Variants in STXBP5 observed in about 807,000 individuals in gnomAD.
The protein encoded by STXBP5 is syntaxin binding protein 5, also known as syntaxin-binding protein 5.
In STXBP5, 50 loss-of-function variants were observed where a neutral mutation model predicts 152.4. The observed-to-expected ratio is 0.33, with a 90% CI of 0.26 to 0.42. The LOEUF (loss-of-function observed/expected upper bound fraction) is 0.42. Ranked by LOEUF, STXBP5 falls within the 10% of genes least tolerant of loss-of-function variation. The pLI is 1.00. For missense variants in STXBP5, 1,167 were observed against 1,388.6 expected (o/e 0.84, Z 2.54); for synonymous variants, 492 against 494.7 (o/e 0.99, Z 0.07).
chr6:147,363,867 C>A, intron 24 of STXBP5, 134 bp from the exon 25 acceptor site: 1 of 1,353,212 alleles, frequency 7.4e-7, no homozygotes, highest in Non-Finnish European at 1.0e-6. Context: ...GAGTATAAAC[C>A]ATTTTTTATC....
At chr6:147,274,352 C>A (rs186571551) in intron 7 of STXBP5, among the ~76,000 whole-genome samples, 3 of 151,860 alleles carry the variant, frequency 2.0e-5, no homozygotes, top group African/African-American at 7.3e-5. Flanking sequence ...ATGGAAAGGG[C>A]AGTGGTTTCA....
At chr6:147,232,627 T>C (rs1778062265) in intron 2 of STXBP5, among the ~76,000 whole-genome samples, 1 of 151,776 alleles carries the variant, frequency 6.6e-6, no homozygotes. Flanking sequence ...CTCTGAGCCT[T>C]AGATATATCG....
intron 25 of STXBP5, among the ~76,000 whole-genome samples, chr6:147,369,737 A>G (rs1204117723): frequency 6.6e-6 from 1 of 152,076 alleles, no homozygotes; most frequent in Non-Finnish European, 1.5e-5. Flanking sequence ...GTGAGATACC[A>G]TTAAACCCCT....
intron 2 of STXBP5, 87 bp downstream of exon 2, chr6:147,206,155 T>A: frequency 3.4e-6 from 4 of 1,159,714 alleles, no homozygotes; most frequent in Non-Finnish European, 5.0e-6. Context: ...AGAAAGTTTT[T>A]ATTTTCCTGT....
chr6:147,291,791 A>G (rs1331500906), intron 9 of STXBP5, among the ~76,000 whole-genome samples: 1 of 152,154 alleles, frequency 6.6e-6, no homozygotes, highest in African/African-American at 2.4e-5. Context: ...CATCTCTTTA[A>G]CTTCTAAAAG....
chr6:147,245,028 T>C (rs546196062), intron 4 of STXBP5, among the ~76,000 whole-genome samples: 89 of 147,214 alleles, frequency 6.0e-4, no homozygotes, highest in Non-Finnish European at 1.2e-3. Flanking sequence ...AATCTTGGTC[T>C]GTTGCCCAGG....
rs1011671638 is a variant in STXBP5, at chr6:147,315,806, G to T, written c.1623+71G>T. On this transcript the variant is annotated intron_variant, in intron 15 of 27. Transcript: ENST00000321680. The stretch of plus-strand genomic sequence containing the variant: ...CATTTTTAAATTTGTGGATGATTTG[G>T]AAGACTTTTTGCAGTCAGTTTTGTG... The T allele has an allele frequency of 4.1e-6, 6 of 1,448,536 alleles. No homozygotes were observed. The Admixed American group carries it at 7.1e-5, about 17-fold the overall frequency. 89.7% of individuals were successfully genotyped at this position (1,448,536 alleles called of 1,614,324 possible).
intron 2 of STXBP5, among the ~76,000 whole-genome samples, chr6:147,211,396 T>A (rs367875211): frequency 2.6e-5 from 4 of 152,256 alleles, no homozygotes; most frequent in African/African-American, 9.6e-5. Context: ...ATGTGAAAGT[T>A]TCTCACATAT....
At chr6:147,283,093 T>C (rs1780777695) in intron 8 of STXBP5, among the ~76,000 whole-genome samples, 1 of 152,244 alleles carries the variant, frequency 6.6e-6, no homozygotes, top group African/African-American at 2.4e-5. Flanking sequence ...AAGCTTGTGC[T>C]AGACAGTCAA....
intron 2 of STXBP5, among the ~76,000 whole-genome samples, chr6:147,227,948 T>C (rs1323722497): frequency 6.6e-6 from 1 of 152,182 alleles, no homozygotes; most frequent in Non-Finnish European, 1.5e-5. Context: ...CTTAAATGCC[T>C]CAGGCTTCTC....
intron 19 of STXBP5, among the ~76,000 whole-genome samples, chr6:147,338,251 G>T (rs879725672): frequency 1.3e-5 from 2 of 152,022 alleles, no homozygotes; most frequent in Non-Finnish European, 2.9e-5. Context: ...TCATTCCAGT[G>T]AGGAAGGTCA....
intron 11 of STXBP5, 81 bp from the exon 12 acceptor site, chr6:147,313,803 T>C: frequency 1.1e-6 from 1 of 944,222 alleles, no homozygotes; most frequent in Non-Finnish European, 1.5e-6. Context: ...AATGTATGTT[T>C]TTTAAAGTTT....
intron 5 of STXBP5, among the ~76,000 whole-genome samples, chr6:147,261,437 A>T (rs574629161): frequency 7.2e-5 from 11 of 152,136 alleles, no homozygotes; most frequent in African/African-American, 2.2e-4. Context: ...AAGTTTAAGG[A>T]TATCAGCAAG....
chr6:147,259,043 G>T (rs1779518298), intron 4 of STXBP5, among the ~76,000 whole-genome samples: 1 of 152,030 alleles, frequency 6.6e-6, no homozygotes, highest in African/African-American at 2.4e-5. Flanking sequence ...AATGATGATG[G>T]TAGTTATAGA....
intron 9 of STXBP5, among the ~76,000 whole-genome samples, chr6:147,304,833 G>C (rs1479967179): frequency 6.6e-6 from 1 of 152,140 alleles, no homozygotes; most frequent in Non-Finnish European, 1.5e-5. Flanking sequence ...GGATTTGCAT[G>C]AGGCCTGTAG....
At chr6:147,312,565 A>G (rs9497745) in intron 11 of STXBP5, among the ~76,000 whole-genome samples, 2,429 of 152,184 alleles carry the variant, frequency 0.016, 54 homozygotes, top group African/African-American at 0.054. Flanking sequence ...TCTAGTGGGT[A>G]GAAGACAGAG....
At chr6:147,340,974 C>T (rs1467680860) in intron 21 of STXBP5, among the ~76,000 whole-genome samples, 1 of 151,154 alleles carries the variant, frequency 6.6e-6, no homozygotes, top group Non-Finnish European at 1.5e-5. Flanking sequence ...GTTATGTTAA[C>T]TTCATTCAGC....
intron 2 of STXBP5, among the ~76,000 whole-genome samples, chr6:147,216,864 CTTG>C (rs1269358371): frequency 6.6e-6 from 1 of 152,118 alleles, no homozygotes; most frequent in East Asian, 1.9e-4. Flanking sequence ...CTTTATACAG[CTTG>C]TTATTTGTAA....
chr6:147,353,182 C>T (rs1784665527), intron 21 of STXBP5, 141 bp from the exon 22 acceptor site: 4 of 516,508 alleles, frequency 7.7e-6, no homozygotes, highest in South Asian at 6.8e-5. Context: ...ATTTACTTTC[C>T]ACTCCTAATA....
Sources: gnomAD v4.1 joint callset for allele counts (sites outside exome capture counted in the v4.1 genomes callset) on GRCh38, gnomAD v4.1.1 for gene constraint, MANE v1.5 for transcripts, NCBI Gene and HGNC (gene_info 2026-07-23, HGNC 2026-07-21) for gene names.